PALS2: variants seen among roughly 807,000 people sequenced by gnomAD.
The protein encoded by PALS2 is protein PALS2.
In PALS2, 27 loss-of-function variants were observed where a neutral mutation model predicts 61.6. The ratio of observed to expected loss-of-function variants is 0.44; its 90% confidence interval spans 0.32 to 0.60. The LOEUF is 0.60. Among genes scored for constraint, PALS2 ranks in the 20% least tolerant of loss-of-function variants. The pLI, the probability that PALS2 is intolerant of heterozygous loss-of-function variation, is 0.05. For missense variants in PALS2, 554 were observed against 639.4 expected, an observed-to-expected ratio of 0.87 and a Z score of 1.44; for synonymous variants, 236 against 218.6, an observed-to-expected ratio of 1.08 and a Z score of -0.70.
rs61073575 is a variant in PALS2 at position 24,639,814 on chromosome 7, A to ATTTTT, written c.118-1882_118-1878dup. ...ATTTTTTGTGGCATTTTCTAGTCTA[A>ATTTTT]TTTTTTTTTTTTTTTTTTTTTTTTG... On this transcript the variant is annotated intron_variant, in intron 2 of 11. Transcript: ENST00000222644. Among the ~76,000 whole-genome samples the ATTTTT allele has an allele frequency of 8.4e-3, 805 of 96,152 alleles. 27 individuals carry two copies. Among genetic ancestry groups the ATTTTT allele is most frequent in the African/African-American group, 0.033 (730 of 21,988 alleles). 63.1% of individuals were successfully genotyped at this position (96,152 alleles called of 152,430 possible).
At chr7:24,624,000 A>G (rs1784631267) in intron 2 of PALS2, 6 of 1,159,222 alleles carry the variant, frequency 5.2e-6, no homozygotes, top group Non-Finnish European at 7.3e-6. Context: ...AATGACTCTT[A>G]GTTTTGGCGT....
In PALS2 at chr7:24,693,568, C is replaced by G. The variant is rs1398264899; in HGVS notation, c.*5954C>G. 1.3e-5 allele frequency: 2 copies of G among 152,126 alleles called. No homozygotes were observed. The highest frequency in any genetic ancestry group is 2.4e-5 in the African/African-American group (1 of 41,440). The allele number at this position is 152,126 out of a possible 1,614,324, so 9.4% of individuals were successfully genotyped here. Reference sequence around the variant, plus strand: ...TTGCTTTAAAGACATAAAGCTTGTCCTGGTAAACATGGTCTAAATGAGAAA... The same window carrying G: ...TTGCTTTAAAGACATAAAGCTTGTCGTGGTAAACATGGTCTAAATGAGAAA... On this transcript the variant is annotated 3_prime_UTR_variant, in exon 12 of 12. Transcript: ENST00000222644.
rs927065020 is a variant in PALS2 at position 24,656,347 on chromosome 7, A to C, written c.651+5635A>C. Among the ~76,000 whole-genome samples, 5 of 152,246 alleles carry C rather than the reference A, an allele frequency of 3.3e-5. No homozygotes were observed. The East Asian group carries it at 9.6e-4, about 29-fold the overall frequency. On this transcript the variant is annotated intron_variant, in intron 5 of 11. Coordinates refer to ENST00000222644, the MANE Select transcript of PALS2 (RefSeq NM_001303037.2). ...GCATAAGCATAGTGTATTCCTGTGC[A>C]ATATTTCCTCAATACTTTTACTGTT...
intron 11 of PALS2, among the ~76,000 whole-genome samples, chr7:24,684,076 A>G (rs1788073003): frequency 1.3e-5 from 2 of 152,012 alleles, no homozygotes; most frequent in Admixed American, 6.6e-5. Flanking sequence ...CTGTCTTTAG[A>G]GTATATCCCA....
intron 1 of PALS2, among the ~76,000 whole-genome samples, chr7:24,612,574 CAATT>C (rs1031983823): frequency 2.6e-5 from 4 of 151,634 alleles, no homozygotes; most frequent in African/African-American, 9.7e-5. Context: ...TCCATTTAAT[CAATT>C]TATTTTAAAT....
At chr7:24,671,135 C>G (rs972777610) in intron 9 of PALS2, among the ~76,000 whole-genome samples, 1 of 152,180 alleles carries the variant, frequency 6.6e-6, no homozygotes, top group Non-Finnish European at 1.5e-5. Flanking sequence ...ATATACCCTT[C>G]ACAATCCCAG....
chr7:24,679,294 C>G lies in PALS2; in HGVS notation c.1278C>G (p.Val426=). The G allele has an allele frequency of 1.9e-6, 3 of 1,614,000 alleles. No individual in the cohort carries two copies. The highest frequency in any genetic ancestry group is 2.5e-6 in the Non-Finnish European group (3 of 1,179,936). Residue 426 remains valine (V), a synonymous_variant, in exon 10 of 12, where the codon GTC becomes GTG. Coordinates refer to ENST00000222644, the MANE Select transcript of PALS2 (RefSeq NM_001303037.2). ...GTKIDSILEV[V]QTGRTCILDV... is the part of the protein sequence containing the mutation. The stretch of plus-strand genomic sequence containing the variant: ...AAATTGATTCTATTCTTGAGGTTGT[C>G]CAAACTGGACGGACTTGCATTCTGG...
intron 1 of PALS2, among the ~76,000 whole-genome samples, chr7:24,610,849 T>C (rs773095571): frequency 5.3e-4 from 80 of 152,124 alleles, no homozygotes; most frequent in Non-Finnish European, 9.9e-4. Context: ...TAGAATGAGA[T>C]TTTGTTTTTC....
rs1785044084 is a variant in PALS2, at chr7:24,632,532, TG to T, written c.117+8751del. Among the ~76,000 whole-genome samples the T allele has an allele frequency of 2.0e-5, 3 of 152,252 alleles. No homozygotes were observed. In the South Asian group the frequency reaches 6.2e-4, roughly 32 times the overall value. Reference sequence around the variant, plus strand: ...CTCCTGCCTCAGCCTCTCAAGTAGCTGGGATTACAGGCACGCCCAGCTTATT... The same window carrying T: ...CTCCTGCCTCAGCCTCTCAAGTAGCTGGATTACAGGCACGCCCAGCTTATT... On this transcript the variant is annotated intron_variant, in intron 2 of 11. Transcript: ENST00000222644.
intron 9 of PALS2, among the ~76,000 whole-genome samples, chr7:24,668,936 G>A (rs552541699): frequency 3.3e-5 from 5 of 152,154 alleles, no homozygotes; most frequent in Non-Finnish European, 7.4e-5. Context: ...TTTAAGACTC[G>A]TGGCAAGATA....
intron 1 of PALS2, among the ~76,000 whole-genome samples, chr7:24,595,044 GA>G (rs1039888544): frequency 6.6e-6 from 1 of 152,040 alleles, no homozygotes; most frequent in Non-Finnish European, 1.5e-5. Context: ...GCAGTAAAAT[GA>G]GGTATGCCTG....
chr7:24,643,399 T>C (rs553214503), intron 3 of PALS2, among the ~76,000 whole-genome samples: 1 of 152,328 alleles, frequency 6.6e-6, no homozygotes, highest in Non-Finnish European at 1.5e-5. Context: ...TATTGTACTC[T>C]TAGCGCATAT....
At chr7:24,640,085 G>A (rs539435875) in intron 2 of PALS2, among the ~76,000 whole-genome samples, 54 of 152,012 alleles carry the variant, frequency 3.6e-4, no homozygotes, top group African/African-American at 1.1e-3. Flanking sequence ...CCAAAGTGCT[G>A]GGATTACAGA....
chr7:24,678,885 A>G (rs754134403), intron 9 of PALS2, among the ~76,000 whole-genome samples: 1 of 152,178 alleles, frequency 6.6e-6, no homozygotes, highest in African/African-American at 2.4e-5. Flanking sequence ...TTCGCAGTCC[A>G]TACAGTCTGT....
intron 7 of PALS2, 120 bp downstream of exon 7, chr7:24,665,807 G>C (rs898594597): frequency 2.0e-6 from 2 of 982,978 alleles, no homozygotes; most frequent in Non-Finnish European, 3.0e-6. Context: ...CCCTCCCTCT[G>C]CTTTCTCTCG....
intron 1 of PALS2, among the ~76,000 whole-genome samples, chr7:24,585,383 C>T (rs1016181308): frequency 6.6e-6 from 1 of 152,082 alleles, no homozygotes; most frequent in African/African-American, 2.4e-5. Flanking sequence ...CTTCACATCC[C>T]TTGTAAGTTG....
chr7:24,607,950 A>G (rs545291321), intron 1 of PALS2, among the ~76,000 whole-genome samples: 1 of 152,288 alleles, frequency 6.6e-6, no homozygotes, highest in African/African-American at 2.4e-5. Flanking sequence ...AAGGCTAGAA[A>G]GAGACTTCTT....
Position 24,687,346 on chromosome 7 carries a change from C to A in PALS2, c.1447-92C>A. 1.0e-6 allele frequency: 1 copy of A among 958,090 alleles called. No individual in the cohort carries two copies. 59.3% of individuals were successfully genotyped at this position (958,090 alleles called of 1,614,324 possible). On this transcript the variant is annotated intron_variant, in intron 11 of 11. Transcript: ENST00000222644. This position sits in a 1 kb window ranked among gnomAD's most constrained non-coding sequence, Gnocchi z 4.5. ...AATACCAGAATTACCAGAAATATATCTAACCTATTTATTATATTCACTTCT... is the reference window on the plus strand; with the variant it reads ...AATACCAGAATTACCAGAAATATATATAACCTATTTATTATATTCACTTCT...
chr7:24,573,835 G>C lies in PALS2; in HGVS notation c.-3+242G>C, dbSNP rs1472791638. 6.7e-6 allele frequency among the ~76,000 whole-genome samples: 1 copy of C among 150,218 alleles called. No homozygotes were observed. The highest frequency in any genetic ancestry group is 2.4e-5 in the African/African-American group (1 of 41,192). ...GCCCGCGCGGAAGGGGCGCTCGGCC[G>C]GGCTCCTGCCTCTCTGGCTGCGGGC... is the stretch of plus-strand genomic sequence containing the variant. On this transcript the variant is annotated intron_variant, in intron 1 of 11. Coordinates refer to ENST00000222644, the MANE Select transcript of PALS2 (RefSeq NM_001303037.2). This position sits in a 1 kb window ranked among gnomAD's most constrained non-coding sequence, Gnocchi z 5.3.
Sources: gnomAD v4.1 joint callset for allele counts (sites outside exome capture counted in the v4.1 genomes callset) on GRCh38, gnomAD v4.1.1 for gene constraint, Gnocchi (gnomAD v3.1) non-coding constraint, MANE v1.5 for transcripts, NCBI Gene and HGNC (gene_info 2026-07-23, HGNC 2026-07-21) for gene names.